MCTP1: variants seen among roughly 807,000 people sequenced by gnomAD.
The protein encoded by MCTP1 is multiple C2 and transmembrane domain-containing protein 1.
A neutral mutation model predicts 120.6 loss-of-function variants in MCTP1; 69 were observed. The ratio of observed to expected loss-of-function variants is 0.57; its 90% confidence interval spans 0.47 to 0.70. MCTP1 has a LOEUF of 0.70. Ranked by LOEUF, MCTP1 falls within the 30% of genes least tolerant of loss-of-function variation. The probability of loss-of-function intolerance (pLI) is 0.00; values close to 1 mark genes in which losing one functional copy is unlikely to be tolerated. For missense variants in MCTP1, 1,203 were observed against 1,248.8 expected, an observed-to-expected ratio of 0.96 and a Z score of 0.55; for synonymous variants, 529 against 493.1, an observed-to-expected ratio of 1.07 and a Z score of -0.96.
chr5:94,836,895 C>G (rs2153185962), intron 17 of MCTP1, among the ~76,000 whole-genome samples: 1 of 152,272 alleles, frequency 6.6e-6, no homozygotes, highest in Non-Finnish European at 1.5e-5. Flanking sequence ...GGAATATGTT[C>G]TGTTATATAG....
intron 1 of MCTP1, among the ~76,000 whole-genome samples, chr5:95,189,481 G>C (rs1028252035): frequency 6.6e-6 from 1 of 152,068 alleles, no homozygotes; most frequent in Non-Finnish European, 1.5e-5. Flanking sequence ...TTTAAGTGTC[G>C]GTATGGTTGT....
At chr5:94,880,948 C>T (rs1401842600) in intron 12 of MCTP1, among the ~76,000 whole-genome samples, 1 of 152,062 alleles carries the variant, frequency 6.6e-6, no homozygotes, top group African/African-American at 2.4e-5. Context: ...AATATGTGAT[C>T]AATGTTCATT....
At chr5:95,210,873 G>A (rs1752278891) in intron 1 of MCTP1, among the ~76,000 whole-genome samples, 1 of 152,004 alleles carries the variant, frequency 6.6e-6, no homozygotes, top group South Asian at 2.1e-4. Flanking sequence ...AGGCCTAGTG[G>A]TGACAAAATC....
intron 1 of MCTP1, among the ~76,000 whole-genome samples, chr5:95,039,878 CAAAAAAA>C (rs57011733): frequency 1.7e-4 from 13 of 77,620 alleles, no homozygotes; most frequent in East Asian, 4.0e-4. Flanking sequence ...GTACCGTTTG[CAAAAAAA>C]AAAAAAAAAA....
At chr5:95,127,737 T>C (rs1292804636) in intron 1 of MCTP1, among the ~76,000 whole-genome samples, 1 of 152,138 alleles carries the variant, frequency 6.6e-6, no homozygotes, top group Non-Finnish European at 1.5e-5. Flanking sequence ...GTAAATATCC[T>C]TCAACTTTTT....
chr5:94,894,538 C>CA (rs1803434634), intron 11 of MCTP1, 111 bp downstream of exon 11: 1 of 768,916 alleles, frequency 1.3e-6, no homozygotes, highest in Non-Finnish European at 2.0e-6. Context: ...TTACTTGTGC[C>CA]AATTCTTCCA....
At chr5:95,187,723 TG>T (rs1173809728) in intron 1 of MCTP1, among the ~76,000 whole-genome samples, 1 of 152,034 alleles carries the variant, frequency 6.6e-6, no homozygotes, top group East Asian at 1.9e-4. Context: ...GGTAAGGGAT[TG>T]GGGGTAGGGG....
chr5:94,939,050 C>A (rs1670324421), intron 5 of MCTP1, among the ~76,000 whole-genome samples: 1 of 151,910 alleles, frequency 6.6e-6, no homozygotes, highest in Admixed American at 6.6e-5. Flanking sequence ...GGATACTTAA[C>A]CCAATTTAGC....
At chr5:95,250,054 G>A (rs1319696659) in intron 1 of MCTP1, among the ~76,000 whole-genome samples, 1 of 152,102 alleles carries the variant, frequency 6.6e-6, no homozygotes, top group African/African-American at 2.4e-5. Context: ...AATACCTAAT[G>A]TAAATGACGA....
intron 5 of MCTP1, among the ~76,000 whole-genome samples, chr5:94,937,017 C>T (rs1261791584): frequency 6.6e-6 from 1 of 152,028 alleles, no homozygotes; most frequent in Non-Finnish European, 1.5e-5. Flanking sequence ...CTCTCTGCCT[C>T]CTTAGGGGTG....
chr5:95,267,408 C>T (rs1758991557), intron 1 of MCTP1, among the ~76,000 whole-genome samples: 4 of 152,118 alleles, frequency 2.6e-5, no homozygotes, highest in Admixed American at 2.0e-4. Context: ...GAAATCTCTC[C>T]CCTGAGCACT....
rs754343720 is a variant in MCTP1, at chr5:95,284,373, G to C, written c.203C>G (p.Pro68Arg). Reference sequence around the variant, plus strand: ...GCTGCCTGCACCACTCCCCCTGGCCGGTGCATTCCCTGTGCCCACCGGGGG... The same window carrying C: ...GCTGCCTGCACCACTCCCCCTGGCCCGTGCATTCCCTGTGCCCACCGGGGG... Reference protein sequence around the residue: ...PPPPVGTGNAPARGSGAGSRW... With the variant: ...PPPPVGTGNARARGSGAGSRW... Residue 68 changes from proline (P) to arginine (R), a missense_variant, in exon 1 of 23, where the codon CCG becomes CGG. By Grantham distance (103) the Pro-to-Arg change is moderately radical. This residue lies in a region of MCTP1 where 463 missense variants were observed against 377.8 expected (regional missense o/e 1.23). Coordinates refer to ENST00000515393, the MANE Select transcript of MCTP1 (RefSeq NM_024717.7). The surrounding 1 kb of genome is among the most constrained non-coding windows in gnomAD (Gnocchi z 5.2). The C allele has an allele frequency of 3.8e-6, 6 of 1,595,506 alleles. No homozygotes were observed. The highest frequency in any genetic ancestry group is 8.5e-7 in the Non-Finnish European group (1 of 1,178,866).
At chr5:94,940,384 A>AT (rs1817286318) in intron 4 of MCTP1, among the ~76,000 whole-genome samples, 189 bp from the exon 5 acceptor site, 3 of 110,896 alleles carry the variant, frequency 2.7e-5, no homozygotes, top group African/African-American at 7.8e-5. Flanking sequence ...ATCTGAATAC[A>AT]CCAGATGAAT....
At chr5:94,717,334 T>G (rs1434383084) in intron 19 of MCTP1, among the ~76,000 whole-genome samples, 1 of 151,952 alleles carries the variant, frequency 6.6e-6, no homozygotes, top group Non-Finnish European at 1.5e-5. Flanking sequence ...CCCTTCAAGT[T>G]AAAAACTCAA....
rs997902287 is a variant in MCTP1 at position 94,963,450 on chromosome 5, C to T, written c.839-10089G>A. Among the ~76,000 whole-genome samples, 4 of 149,312 alleles carry T rather than the reference C, an allele frequency of 2.7e-5. No homozygotes were observed. The Admixed American group carries it at 2.7e-4, about 10-fold the overall frequency. ...CAGTGAACAAGGGTCATATTTTCTC[C>T]AGATCCTGTCCAACACTTGTTTTCT... is the stretch of plus-strand genomic sequence containing the variant. On this transcript the variant is annotated intron_variant, in intron 2 of 22. Transcript: ENST00000515393.
At chr5:95,105,714 T>A (rs1265531404) in intron 1 of MCTP1, among the ~76,000 whole-genome samples, 1 of 152,048 alleles carries the variant, frequency 6.6e-6, no homozygotes, top group Non-Finnish European at 1.5e-5. Context: ...TAGAGCTTCA[T>A]TAGGAGTAGC....
intron 2 of MCTP1, among the ~76,000 whole-genome samples, chr5:95,008,085 A>G (rs1467765033): frequency 6.6e-6 from 1 of 152,180 alleles, no homozygotes; most frequent in Non-Finnish European, 1.5e-5. Context: ...TTCCTTTGTA[A>G]CTAGGCAAGC....
intron 1 of MCTP1, among the ~76,000 whole-genome samples, chr5:95,186,657 T>G (rs1223237414): frequency 6.6e-6 from 1 of 152,172 alleles, no homozygotes; most frequent in Non-Finnish European, 1.5e-5. Flanking sequence ...TAGAGAAAAT[T>G]TATATGGAAA....
intron 6 of MCTP1, among the ~76,000 whole-genome samples, chr5:94,928,601 G>A (rs1237502052): frequency 4.6e-5 from 7 of 152,120 alleles, no homozygotes; most frequent in African/African-American, 1.7e-4. Flanking sequence ...GCTGAGTGTG[G>A]GGCAGAATTC....
Sources: gnomAD v4.1 joint callset for allele counts (sites outside exome capture counted in the v4.1 genomes callset) on GRCh38, gnomAD v4.1.1 for gene constraint, gnomAD v4.1.1 regional missense constraint, Gnocchi (gnomAD v3.1) non-coding constraint, MANE v1.5 for transcripts, NCBI Gene and HGNC (gene_info 2026-07-23, HGNC 2026-07-21) for gene names.